Variants in TENM1 observed in about 807,000 individuals in gnomAD.
TENM1 encodes teneurin-1.
A neutral mutation model predicts 174.8 loss-of-function variants in TENM1; 35 were observed. The observed-to-expected ratio is 0.20, with a 90% CI of 0.15 to 0.27. The LOEUF (loss-of-function observed/expected upper bound fraction) is 0.27. TENM1 is among the 10% of genes least tolerant of loss of function. TENM1 has a pLI of 1.00. For synonymous variants in TENM1, 781 were observed against 798.7 expected (o/e 0.98, Z 0.37); for missense variants, 1,633 against 2,130.1 (o/e 0.77, Z 4.59).
intron 3 of TENM1, among the ~76,000 whole-genome samples, chrX:124,819,583 A>C (rs1212778080): frequency 9.0e-6 from 1 of 110,639 alleles, no homozygotes; most frequent in African/African-American, 3.3e-5. Flanking sequence ...GCTCTTCCTC[A>C]GGCAAGAGGC....
At chrX:124,832,650 C>G (rs1000662957) in intron 3 of TENM1, among the ~76,000 whole-genome samples, 1 of 112,433 alleles carries the variant, frequency 8.9e-6, no homozygotes, top group African/African-American at 3.2e-5. Context: ...TCTCGGCTCA[C>G]AGCAGCCTCT....
the TENM1 span, among the ~76,000 whole-genome samples, chrX:125,079,659 T>A: frequency 6.3e-5 from 7 of 111,794 alleles, no homozygotes; most frequent in Non-Finnish European, 1.3e-4. Flanking sequence ...TATTTCTCCA[T>A]TGTCCTATCC....
the TENM1 span, among the ~76,000 whole-genome samples, chrX:125,102,799 C>G: frequency 8.9e-6 from 1 of 112,265 alleles, no homozygotes; most frequent in South Asian, 3.7e-4. Flanking sequence ...TAGATCTTCT[C>G]AGTTGAAAGG....
intron 1 of TENM1, among the ~76,000 whole-genome samples, chrX:124,945,698 G>A (rs1408385734): frequency 9.0e-6 from 1 of 111,427 alleles, no homozygotes; most frequent in East Asian, 2.8e-4. Flanking sequence ...CGGAGGAGCA[G>A]ATTTTGAAGG....
chrX:124,588,335 T>C (rs1328005795), intron 11 of TENM1, among the ~76,000 whole-genome samples: 1 of 111,621 alleles, frequency 9.0e-6, no homozygotes, highest in African/African-American at 3.3e-5. Context: ...ATGTGGCACA[T>C]ATATGCCATG....
chrX:124,792,279 A>T (rs1282076698), intron 3 of TENM1, among the ~76,000 whole-genome samples: 1 of 111,991 alleles, frequency 8.9e-6, no homozygotes, highest in African/African-American at 3.2e-5. Context: ...TGAAATTTCC[A>T]GAGTCTATAC....
At chrX:125,075,235 T>C in the TENM1 span, among the ~76,000 whole-genome samples, 1 of 111,907 alleles carries the variant, frequency 8.9e-6, no homozygotes, top group South Asian at 3.7e-4. Flanking sequence ...GTACAATAGG[T>C]TTGCACAATC....
At chrX:124,432,901 G>A (rs2060796174) in intron 23 of TENM1, among the ~76,000 whole-genome samples, 2 of 112,642 alleles carry the variant, frequency 1.8e-5, no homozygotes, top group Admixed American at 1.9e-4. Flanking sequence ...GCTGACCCAA[G>A]TGGAAGGAAG....
chrX:125,123,326 C>T, the TENM1 span, among the ~76,000 whole-genome samples: 1 of 110,213 alleles, frequency 9.1e-6, no homozygotes, highest in African/African-American at 3.3e-5. Context: ...GGTTCACCCC[C>T]AGAAGTCCCT....
At chrX:124,449,150 T>C (rs1345359408) in intron 23 of TENM1, among the ~76,000 whole-genome samples, 1 of 111,714 alleles carries the variant, frequency 9.0e-6, no homozygotes, top group Non-Finnish European at 1.9e-5. Flanking sequence ...CCTGCTGGCT[T>C]CTGCCATCCC....
chrX:124,560,352 A>G (rs781455465), intron 14 of TENM1, among the ~76,000 whole-genome samples: 8 of 109,976 alleles, frequency 7.3e-5, no homozygotes, highest in Non-Finnish European at 1.3e-4. Context: ...TCTGTCTCAA[A>G]GTAGAACTGA....
At chrX:124,582,769 TC>T (rs1469316553) in intron 11 of TENM1, among the ~76,000 whole-genome samples, 1 of 111,885 alleles carries the variant, frequency 8.9e-6, no homozygotes, top group Non-Finnish European at 1.9e-5. Flanking sequence ...GTCAGGGAGT[TC>T]CCTTTCCTAG....
At chrX:125,147,779 C>A in the TENM1 span, among the ~76,000 whole-genome samples, 1 of 111,596 alleles carries the variant, frequency 9.0e-6, no homozygotes, top group African/African-American at 3.3e-5. Context: ...CACAAGCAGC[C>A]AAGAGCAAGA....
At chrX:124,377,793 G>A (rs1014819413) in exon 32 of TENM1, 1 of 111,726 alleles carries the variant, frequency 9.0e-6, no homozygotes, top group Non-Finnish European at 1.9e-5. Context: ...AAATTCATAT[G>A]TTTCTCTGAA....
chrX:124,816,497 T>C (rs1321993451), intron 3 of TENM1, among the ~76,000 whole-genome samples: 1 of 111,817 alleles, frequency 8.9e-6, no homozygotes, highest in Non-Finnish European at 1.9e-5. Flanking sequence ...TTATAAAGTG[T>C]TTGAAAACAC....
intron 18 of TENM1, among the ~76,000 whole-genome samples, chrX:124,514,416 G>T (rs2047652552): frequency 9.0e-6 from 1 of 110,862 alleles, no homozygotes; most frequent in Non-Finnish European, 1.9e-5. Flanking sequence ...TTCAGGTGTT[G>T]GTTTTTTGAA....
At chrX:124,921,276 C>T (rs936799988) in intron 1 of TENM1, among the ~76,000 whole-genome samples, 9 of 110,772 alleles carry the variant, frequency 8.1e-5, no homozygotes, top group African/African-American at 2.6e-4. Context: ...CCCTATCTAA[C>T]TTCTCCAATC....
rs925561114 is a variant in TENM1, at chrX:124,722,402, G to T, written c.776+14555C>A. 4.5e-5 allele frequency among the ~76,000 whole-genome samples: 5 copies of T among 111,554 alleles called. No individual in the cohort carries two copies. The South Asian group carries it at 1.1e-3, about 25-fold the overall frequency. The stretch of plus-strand genomic sequence containing the variant: ...TCTAATTGTGTCTTGGCCAGTGATA[G>T]GTGCTTGCCCTCGGAAATATGATGT... On this transcript the variant is annotated intron_variant, in intron 4 of 31. Transcript: ENST00000422452.
chrX:125,151,377 G>A, the TENM1 span, among the ~76,000 whole-genome samples: 1 of 111,858 alleles, frequency 8.9e-6, no homozygotes, highest in African/African-American at 3.3e-5. Flanking sequence ...GGAGACCAGC[G>A]GAAAAAATGA....
Sources: gnomAD v4.1 joint callset for allele counts (sites outside exome capture counted in the v4.1 genomes callset) on GRCh38, gnomAD v4.1.1 for gene constraint, MANE v1.5 for transcripts, NCBI Gene and HGNC (gene_info 2026-07-23, HGNC 2026-07-21) for gene names.